Variants in SH3BP1 observed in about 807,000 individuals in gnomAD.
The protein encoded by SH3BP1 is SH3 domain binding protein 1, also known as SH3 domain-binding protein 1.
In SH3BP1, 46 loss-of-function variants were observed where a neutral mutation model predicts 69.8. That is an observed-to-expected ratio of 0.66 (90% CI 0.52 to 0.84). The LOEUF is 0.84. Ranked by LOEUF, SH3BP1 falls within the 40% of genes least tolerant of loss-of-function variation. SH3BP1 has a pLI of 0.00. For synonymous variants in SH3BP1, 403 were observed against 378.0 expected (o/e 1.07, Z -0.77); for missense variants, 868 against 930.9 (o/e 0.93, Z 0.88).
At chr22:37,640,946 A>G (rs969872468) in intron 1 of SH3BP1, 180 bp from the exon 2 acceptor site, 3 of 617,608 alleles carry the variant, frequency 4.9e-6, no homozygotes, top group Non-Finnish European at 5.8e-6. Context: ...TCCCACCCCC[A>G]TGGAATGTGC....
rs1226861104 is a variant in SH3BP1 at position 37,644,901 on chromosome 22, G to C, written c.719G>C (p.Arg240Thr). The change falls in exon 9 of 18, where the codon AGG becomes ACG. Residue 240 changes from arginine (R) to threonine (T), a missense_variant. Arg to Thr is a moderately conservative substitution (Grantham distance 71). Around this residue, in one of 3 missense-constraint regions of SH3BP1, gnomAD observed 387 missense variants for 447.9 expected, o/e 0.86. Transcript: ENST00000649765. ...GAGATTCAGGCCGATTACCATCGCA[G>C]GTCACTGAGCTCGCTGGACACAGCC... ...LLEIQADYHR[R>T]SLSSLDTALA... 2 of 1,614,050 alleles carry C rather than the reference G, an allele frequency of 1.2e-6. No homozygotes were observed. Among genetic ancestry groups the C allele is most frequent in the Admixed American group, 1.7e-5 (1 of 60,016 alleles).
intron 13 of SH3BP1, 69 bp downstream of exon 13, chr22:37,647,590 C>T (rs1932807539): frequency 1.5e-6 from 2 of 1,303,140 alleles, no homozygotes; most frequent in Non-Finnish European, 2.1e-6. Context: ...GACCCTGGGA[C>T]CCTGGGCTTG....
Position 37,643,193 on chromosome 22 carries a change from C to T in SH3BP1, c.473+19C>T. 1 of 1,592,584 alleles carries T rather than the reference C, an allele frequency of 6.3e-7. No homozygotes were observed. The highest frequency in any genetic ancestry group is 8.6e-7 in the Non-Finnish European group (1 of 1,167,236). ...AGAGCAGGTGGGAGCCCCAGCCGCT[C>T]AGGGGGCTCATATCTGGGTCAGCCC... On this transcript the variant is annotated intron_variant, in intron 6 of 17. Transcript: ENST00000649765.
intron 14 of SH3BP1, 39 bp downstream of exon 14, chr22:37,648,474 G>C (rs1569009226): frequency 1.5e-6 from 2 of 1,343,846 alleles, no homozygotes; most frequent in South Asian, 2.5e-5. Flanking sequence ...CAGGAGGAAG[G>C]CAGATCCCAT....
At position 37,639,728 on chromosome 22, in the gene SH3BP1, G is replaced by C; in HGVS notation, c.-60G>C. 1 of 1,120,832 alleles carries C rather than the reference G, an allele frequency of 8.9e-7. No homozygotes were observed. Among genetic ancestry groups the C allele is most frequent in the Non-Finnish European group, 1.2e-6 (1 of 807,330 alleles). The allele number at this position is 1,120,832 out of a possible 1,614,324, so 69.4% of individuals were successfully genotyped here. On this transcript the variant is annotated 5_prime_UTR_variant, in exon 1 of 18. Transcript: ENST00000649765. ...CGCCGCAGGAGAGGCAGGCTGGACCGGGGGCTCCCCGGGCCCGCGACCCCC... is the reference window on the plus strand; with the variant it reads ...CGCCGCAGGAGAGGCAGGCTGGACCCGGGGCTCCCCGGGCCCGCGACCCCC...
In SH3BP1 at chr22:37,647,322, C is replaced by T. The variant is rs1398909644; in HGVS notation, c.1092C>T (p.Leu364=). ...ELPEPLMTFD[L]YDDWMRAASL... ...CAGAGCCTCTGATGACCTTCGACCT[C>T]TATGATGACTGGATGAGGGCAGCCA... is the stretch of plus-strand genomic sequence containing the variant. Residue 364 remains leucine (L), a synonymous_variant, in exon 12 of 18, where the codon CTC becomes CTT. Coordinates refer to ENST00000649765, the MANE Select transcript of SH3BP1 (RefSeq NM_018957.6). 6 of 1,613,958 alleles carry T rather than the reference C, an allele frequency of 3.7e-6. No homozygotes were observed. The Admixed American group carries it at 1.0e-4, about 27-fold the overall frequency.
rs749252140 is a variant in SH3BP1, at chr22:37,643,732, G to C, written c.562G>C (p.Val188Leu). The C allele has an allele frequency of 1.1e-5, 17 of 1,613,908 alleles. No homozygotes were observed. In the African/African-American group the frequency reaches 2.3e-4, roughly 22 times the overall value. ...CAGCCATACGACCATGGCCAACAAG[G>C]TGGAGACGCTGAAGGAGGAGGAGGA... ...SHSHTTMANK[V>L]ETLKEEEEEL... The change falls in exon 7 of 18, where the codon GTG becomes CTG. Residue 188 changes from valine to leucine, a missense_variant. Val to Leu is a conservative substitution (Grantham distance 32). Around this residue, in one of 3 missense-constraint regions of SH3BP1, gnomAD observed 387 missense variants for 447.9 expected, o/e 0.86. Transcript: ENST00000649765.
intron 11 of SH3BP1, 37 bp downstream of exon 11, chr22:37,646,966 G>C (rs576534226): frequency 2.2e-6 from 3 of 1,394,166 alleles, no homozygotes; most frequent in Non-Finnish European, 2.9e-6. Flanking sequence ...GGAGGTTGGG[G>C]GGGAGGGGGT....
Position 37,655,968 on chromosome 22 carries a change from C to A in SH3BP1, c.*284C>A. ...GGAAGGAAGGAGAGGTTTGCCTGCT[C>A]CTACGGGACTGATTCTTCTCTTGCC... On this transcript the variant is annotated 3_prime_UTR_variant, in exon 18 of 18. Transcript: ENST00000649765. The A allele has an allele frequency of 6.5e-7, 1 of 1,544,500 alleles. No individual in the cohort carries two copies. Among genetic ancestry groups the A allele is most frequent in the Non-Finnish European group, 8.7e-7 (1 of 1,145,976 alleles).
intron 8 of SH3BP1, 35 bp from the exon 9 acceptor site, chr22:37,644,835 C>T (rs713977): frequency 0.08 from 129,037 of 1,611,496 alleles, 5,758 homozygotes; most frequent in African/African-American, 0.14. Context: ...TCAGCTTCCC[C>T]CACTTCCGCT....
At chr22:37,653,006 G>A (rs1389948578) in intron 16 of SH3BP1, among the ~76,000 whole-genome samples, 5 of 151,750 alleles carry the variant, frequency 3.3e-5, no homozygotes, top group South Asian at 2.1e-4. Flanking sequence ...GCATGGTGGC[G>A]CACGCCTGTA....
At chr22:37,646,263 C>CTT (rs1273709050) in intron 10 of SH3BP1, among the ~76,000 whole-genome samples, 4 of 133,602 alleles carry the variant, frequency 3.0e-5, no homozygotes, top group African/African-American at 1.1e-4. Flanking sequence ...GCGCCCGACC[C>CTT]TTTTTTTTTT....
At chr22:37,643,871 T>A in intron 7 of SH3BP1, 83 bp downstream of exon 7, 1 of 1,553,460 alleles carries the variant, frequency 6.4e-7, no homozygotes, top group South Asian at 1.1e-5. Flanking sequence ...AAGCTGAAGT[T>A]CAGAGAGGTG....
intron 1 of SH3BP1, 22 bp from the exon 2 acceptor site, chr22:37,641,104 C>CCA (rs898120974): frequency 7.8e-7 from 1 of 1,286,764 alleles, no homozygotes; most frequent in African/African-American, 1.5e-5. Flanking sequence ...ACTCTCCCCC[C>CCA]CCCCCCCACC....
chr22:37,647,256 C>G lies in SH3BP1; in HGVS notation c.1037-11C>G, dbSNP rs771789932. On this transcript the variant is annotated splice_polypyrimidine_tract_variant and intron_variant, in intron 11 of 17. Transcript: ENST00000649765. The stretch of plus-strand genomic sequence containing the variant: ...GGGCTGCCTCTGACCCTCCCCACAC[C>G]CCTCCTTCAGGTGCCCTCAAGTCCT... 6.2e-7 allele frequency: 1 copy of G among 1,613,440 alleles called. No homozygotes were observed. Among genetic ancestry groups the G allele is most frequent in the Middle Eastern group, 1.7e-4 (1 of 5,922 alleles).
intron 17 of SH3BP1, among the ~76,000 whole-genome samples, chr22:37,654,665 AC>A (rs1464338957): frequency 1.3e-5 from 2 of 152,260 alleles, no homozygotes; most frequent in Admixed American, 1.3e-4. Flanking sequence ...CCCCTCTGGC[AC>A]ACTCACCTGT....
chr22:37,640,788 C>G (rs1169957702), intron 1 of SH3BP1: 1 of 368,578 alleles, frequency 2.7e-6, no homozygotes, highest in Non-Finnish European at 5.0e-6. Flanking sequence ...CCGGGGTGGG[C>G]TGAGGATTTG....
intron 5 of SH3BP1, 33 bp downstream of exon 5, chr22:37,643,039 TC>T (rs756446322): frequency 1.4e-5 from 23 of 1,609,494 alleles, no homozygotes; most frequent in Non-Finnish European, 1.9e-5. Context: ...GCCCCCAGCT[TC>T]CCCAGCTTCT....
intron 16 of SH3BP1, 127 bp from the exon 17 acceptor site, chr22:37,653,652 G>A: frequency 1.4e-6 from 1 of 729,952 alleles, no homozygotes; most frequent in Non-Finnish European, 2.5e-6. Context: ...CGTGGCATGG[G>A]GACAGAGTGA....
Sources: allele counts gnomAD v4.1 joint callset (sites outside exome capture counted in the v4.1 genomes callset), GRCh38; gene constraint gnomAD v4.1.1; regional missense constraint gnomAD v4.1.1; transcripts MANE v1.5; gene names NCBI Gene and HGNC (gene_info 2026-07-23, HGNC 2026-07-21).